Variants in TMEM248 observed in about 807,000 individuals in gnomAD.
TMEM248 encodes the protein UPF0458 protein C7orf42.
In TMEM248, 9 loss-of-function variants were observed where a neutral mutation model predicts 30.3. The ratio of observed to expected loss-of-function variants is 0.30; its 90% confidence interval spans 0.18 to 0.52. The LOEUF is 0.52. Ranked by LOEUF, TMEM248 falls within the 20% of genes least tolerant of loss-of-function variation. The pLI is 0.97. For missense variants in TMEM248, 338 were observed against 403.3 expected (o/e 0.84, Z 1.39); for synonymous variants, 184 against 154.4 (o/e 1.19, Z -1.42).
At chr7:66,924,117 A>G in intron 1 of TMEM248, among the ~76,000 whole-genome samples, 1 of 152,236 alleles carries the variant, frequency 6.6e-6, no homozygotes, top group Non-Finnish European at 1.5e-5. Context: ...AGGAAATTAA[A>G]TTTGATGTCT....
At chr7:66,937,591 T>C (rs1216218996) in intron 1 of TMEM248, among the ~76,000 whole-genome samples, 1 of 152,258 alleles carries the variant, frequency 6.6e-6, no homozygotes. Flanking sequence ...ATTGACCGTT[T>C]GACCTTCTTT....
At position 66,955,653 on chromosome 7, in the gene TMEM248, C is replaced by T. The variant is rs1792381971; in HGVS notation, c.*131C>T. The T allele has an allele frequency of 9.1e-7, 1 of 1,102,318 alleles. No homozygotes were observed. The highest frequency in any genetic ancestry group is 1.6e-5 in the African/African-American group (1 of 63,370). The allele number at this position is 1,102,318 out of a possible 1,614,324, so 68.3% of individuals were successfully genotyped here. A position where few individuals can be genotyped will look rare whatever the true frequency, so the allele number is the denominator to read the frequency against. On this transcript the variant is annotated 3_prime_UTR_variant, in exon 7 of 7. Coordinates refer to ENST00000341567, the MANE Select transcript of TMEM248 (RefSeq NM_017994.5). The stretch of plus-strand genomic sequence containing the variant: ...TGGGTTATTCCAGCCAAAGACATTT[C>T]AAGTGCCTGTAACTGATTTGTACAT...
intron 1 of TMEM248, among the ~76,000 whole-genome samples, chr7:66,929,455 G>A (rs1406545472): frequency 4.7e-5 from 1 of 21,224 alleles, no homozygotes; most frequent in East Asian, 2.0e-3. Context: ...TTTTTTTTTT[G>A]ATACAGACTC....
intron 4 of TMEM248, 99 bp from the exon 5 acceptor site, chr7:66,950,853 G>A: frequency 1.1e-6 from 1 of 940,166 alleles, no homozygotes. Flanking sequence ...TTCCATGTGT[G>A]TTGCCGTGTT....
intron 1 of TMEM248, among the ~76,000 whole-genome samples, chr7:66,927,848 A>G (rs1791564843): frequency 6.6e-6 from 1 of 152,146 alleles, no homozygotes; most frequent in Admixed American, 6.6e-5. Context: ...CTATTGGCAG[A>G]AGACTGTGCC....
intron 1 of TMEM248, among the ~76,000 whole-genome samples, chr7:66,928,318 A>G (rs1324595616): frequency 6.6e-6 from 1 of 151,850 alleles, no homozygotes; most frequent in Non-Finnish European, 1.5e-5. Flanking sequence ...TTGTATATCT[A>G]TGGCATGTGA....
chr7:66,926,247 A>G (rs1791521782), intron 1 of TMEM248, among the ~76,000 whole-genome samples: 1 of 152,212 alleles, frequency 6.6e-6, no homozygotes, highest in Non-Finnish European at 1.5e-5. Flanking sequence ...CTTGCAAACC[A>G]TACGTCTGAA....
intron 1 of TMEM248, among the ~76,000 whole-genome samples, chr7:66,936,653 G>A (rs978552877): frequency 2.6e-5 from 4 of 152,050 alleles, no homozygotes; most frequent in African/African-American, 7.2e-5. Flanking sequence ...TTTAGTGTTT[G>A]GTAGAATTCA....
intron 3 of TMEM248, among the ~76,000 whole-genome samples, chr7:66,947,098 C>A (rs1027617935): frequency 6.6e-6 from 1 of 151,348 alleles, no homozygotes; most frequent in Non-Finnish European, 1.5e-5. Flanking sequence ...ACCTGTAGTC[C>A]CAGCTACTTG....
In TMEM248 at chr7:66,945,065, A is replaced by G. The variant is rs1218816406; in HGVS notation, c.249A>G (p.Thr83=). The change falls in exon 3 of 7, where the codon ACA becomes ACG. Residue 83 remains threonine (T), a synonymous_variant. Transcript: ENST00000341567. ...ETLKHLTNDT[T]TPESTMTSGQ... is the part of the protein sequence containing the mutation. ...TCAAGCATCTCACAAACGACACCAC[A>G]ACTCCGGAAAGTACAATGACCAGCG... 6.2e-7 allele frequency: 1 copy of G among 1,614,236 alleles called. No homozygotes were observed. The highest frequency in any genetic ancestry group is 8.5e-7 in the Non-Finnish European group (1 of 1,180,044).
At chr7:66,930,102 G>GCC (rs1449781390) in intron 1 of TMEM248, among the ~76,000 whole-genome samples, 1 of 152,202 alleles carries the variant, frequency 6.6e-6, no homozygotes, top group Non-Finnish European at 1.5e-5. Flanking sequence ...CAAGGCGGCT[G>GCC]CCATGCTCAT....
chr7:66,941,610 A>C (rs1262500869), intron 1 of TMEM248, among the ~76,000 whole-genome samples: 1 of 151,572 alleles, frequency 6.6e-6, no homozygotes, highest in African/African-American at 2.4e-5. Flanking sequence ...TATTTAGAAG[A>C]TTCAAACTGA....
At chr7:66,951,335 A>G in intron 5 of TMEM248, 200 bp downstream of exon 5, 3 of 450,266 alleles carry the variant, frequency 6.7e-6, no homozygotes, top group Non-Finnish European at 1.1e-5. Flanking sequence ...GTTAAGAAAA[A>G]TCTGGTTTTT....
intron 1 of TMEM248, among the ~76,000 whole-genome samples, chr7:66,927,396 A>C (rs1255852102): frequency 6.6e-6 from 1 of 151,638 alleles, no homozygotes; most frequent in Non-Finnish European, 1.5e-5. Context: ...CTACACGTTT[A>C]GCAACTAAAA....
intron 3 of TMEM248, among the ~76,000 whole-genome samples, chr7:66,945,576 C>G (rs1414955737): frequency 6.6e-6 from 1 of 152,192 alleles, no homozygotes; most frequent in East Asian, 1.9e-4. Flanking sequence ...TACTACACAT[C>G]TTCTATTGCT....
intron 1 of TMEM248, 33 bp from the exon 2 acceptor site, chr7:66,941,815 C>A (rs1791967276): frequency 1.9e-6 from 3 of 1,555,508 alleles, no homozygotes; most frequent in Non-Finnish European, 2.6e-6. Context: ...GTTGGCAAGT[C>A]AGTCCTTGAA....
In TMEM248 at chr7:66,941,941, A is replaced by T; in HGVS notation, c.76A>T (p.Ser26Cys). The T allele has an allele frequency of 6.2e-7, 1 of 1,614,172 alleles. No individual in the cohort carries two copies. Among genetic ancestry groups the T allele is most frequent in the African/African-American group, 1.3e-5 (1 of 75,050 alleles). ...GCCTCCCCTGGTGGTCTTCATGATC[A>T]GCGTAAGCGCCATGGCCATAGCTTT... ...SRPPLVVFMISVSAMAIAFLT... is the reference protein window; with the variant it reads ...SRPPLVVFMICVSAMAIAFLT... Residue 26 changes from serine to cysteine, a missense_variant, in exon 2 of 7, where the codon AGC (serine) becomes TGC (cysteine). By Grantham distance (112) the Ser-to-Cys change is moderately radical. Transcript: ENST00000341567.
chr7:66,954,517 C>T (rs528721495), intron 6 of TMEM248, among the ~76,000 whole-genome samples: 3 of 151,618 alleles, frequency 2.0e-5, no homozygotes, highest in Admixed American at 1.3e-4. Context: ...GATCGTCAAC[C>T]TCCTGAGTAG....
chr7:66,925,447 C>G (rs1791497865), intron 1 of TMEM248, among the ~76,000 whole-genome samples: 1 of 152,156 alleles, frequency 6.6e-6, no homozygotes. Context: ...CTTCTGTAAC[C>G]ATAGTTCTGC....
Sources: gnomAD v4.1 joint callset for allele counts (sites outside exome capture counted in the v4.1 genomes callset) on GRCh38, gnomAD v4.1.1 for gene constraint, MANE v1.5 for transcripts, NCBI Gene and HGNC (gene_info 2026-07-23, HGNC 2026-07-21) for gene names.